The following TRPC5 variants were observed in gnomAD, a reference collection of about 807,000 sequenced individuals.
TRPC5 encodes the protein transient receptor potential cation channel subfamily C member 5.
Under a neutral mutation model 56.5 loss-of-function variants are expected in TRPC5, and 9 were observed. That is an observed-to-expected ratio of 0.16 (90% CI 0.10 to 0.28). TRPC5 has a LOEUF of 0.28. TRPC5 is among the 10% of genes least tolerant of loss of function. The probability of loss-of-function intolerance (pLI) is 1.00; values close to 1 mark genes in which losing one functional copy is unlikely to be tolerated. For synonymous variants in TRPC5, 282 were observed against 278.5 expected, an observed-to-expected ratio of 1.01 and a Z score of -0.13; for missense variants, 469 against 748.9, an observed-to-expected ratio of 0.63 and a Z score of 4.36.
intron 1 of TRPC5, among the ~76,000 whole-genome samples, chrX:112,054,847 T>A (rs1165883550): frequency 9.0e-6 from 1 of 111,219 alleles, no homozygotes; most frequent in Non-Finnish European, 1.9e-5. Context: ...CACTGAGAAG[T>A]CCTCCCTGGT....
chrX:112,015,194 C>G (rs1323605547), intron 1 of TRPC5, among the ~76,000 whole-genome samples: 2 of 110,997 alleles, frequency 1.8e-5, no homozygotes, highest in Non-Finnish European at 3.8e-5. Context: ...TGCCTGCCAC[C>G]ACACCTGGCT....
intron 1 of TRPC5, among the ~76,000 whole-genome samples, chrX:112,036,585 G>A (rs1929747068): frequency 8.9e-6 from 1 of 112,256 alleles, no homozygotes; most frequent in Admixed American, 9.4e-5. Flanking sequence ...TAATGTGTAG[G>A]AAGTTGCCTT....
chrX:111,926,027 C>T lies in TRPC5; in HGVS notation c.379-13215G>A, dbSNP rs767680460. ...CTCCCTTCTACCCCAGAATTGATAGCCAAAAATATCTCTGGACATTGCCAA... is the reference window on the plus strand; with the variant it reads ...CTCCCTTCTACCCCAGAATTGATAGTCAAAAATATCTCTGGACATTGCCAA... On this transcript the variant is annotated intron_variant, in intron 2 of 10. Transcript: ENST00000262839. 2.9e-3 allele frequency among the ~76,000 whole-genome samples: 326 copies of T among 112,131 alleles called. 1 individual carries two copies. The highest frequency in any genetic ancestry group is 4.6e-3 in the Non-Finnish European group (244 of 53,197).
At chrX:111,915,049 T>C (rs1012157410) in intron 2 of TRPC5, among the ~76,000 whole-genome samples, 2 of 92,758 alleles carry the variant, frequency 2.2e-5, no homozygotes, top group Non-Finnish European at 4.0e-5. Flanking sequence ...TATTCCTCTT[T>C]CCTCGCTCTC....
At chrX:112,002,621 G>T in intron 1 of TRPC5, among the ~76,000 whole-genome samples, 2 of 112,003 alleles carry the variant, frequency 1.8e-5, no homozygotes, top group Middle Eastern at 4.6e-3. Context: ...GAATTCACTA[G>T]AGAGTTGAGG....
At position 111,807,956 on chromosome X, in the gene TRPC5, CTGTG is replaced by C. The variant is rs60688414; in HGVS notation, c.1897-25822_1897-25819del. 6.7e-3 allele frequency among the ~76,000 whole-genome samples: 620 copies of C among 91,879 alleles called. 1 individual carries two copies. Among genetic ancestry groups the C allele is most frequent in the East Asian group, 0.01 (32 of 3,096 alleles). The allele number at this position is 91,879 out of a possible 115,157, so 79.8% of individuals were successfully genotyped here. On this transcript the variant is annotated intron_variant, in intron 7 of 10. Transcript: ENST00000262839. ...AAATGGAGTCTCTCTCTCTCTCTCTCTGTGTGTGTGTGTGTGTGTGTGTGTGTGT... is the reference window on the plus strand; with the variant it reads ...AAATGGAGTCTCTCTCTCTCTCTCTCTGTGTGTGTGTGTGTGTGTGTGTGT...
At chrX:111,905,674 G>C (rs1480965777) in intron 3 of TRPC5, among the ~76,000 whole-genome samples, 2 of 111,132 alleles carry the variant, frequency 1.8e-5, no homozygotes, top group African/African-American at 6.6e-5. Flanking sequence ...CAGCACTTTG[G>C]GAGGCCAAGG....
chrX:112,026,788 C>T (rs1173464884), intron 1 of TRPC5, among the ~76,000 whole-genome samples: 2 of 110,174 alleles, frequency 1.8e-5, no homozygotes, highest in Non-Finnish European at 3.8e-5. Context: ...TTGAAAGCTT[C>T]TTAATGGCGG....
At chrX:112,026,826 A>T (rs1569529776) in intron 1 of TRPC5, among the ~76,000 whole-genome samples, 1 of 109,365 alleles carries the variant, frequency 9.1e-6, no homozygotes, top group African/African-American at 3.3e-5. Context: ...GAATTTCTAG[A>T]TTATATATTG....
At chrX:111,906,526 T>C (rs1925633123) in intron 3 of TRPC5, among the ~76,000 whole-genome samples, 1 of 111,459 alleles carries the variant, frequency 9.0e-6, no homozygotes, top group South Asian at 3.8e-4. Context: ...ACTTCGAAGT[T>C]TTTAATGTAG....
At chrX:111,987,667 C>A (rs1928247676) in intron 1 of TRPC5, among the ~76,000 whole-genome samples, 1 of 112,068 alleles carries the variant, frequency 8.9e-6, no homozygotes, top group South Asian at 3.7e-4. Context: ...TTGACAGGAT[C>A]TCCCTTTTTA....
At chrX:112,055,614 T>C (rs1331452869) in intron 1 of TRPC5, among the ~76,000 whole-genome samples, 1 of 109,410 alleles carries the variant, frequency 9.1e-6, no homozygotes, top group Non-Finnish European at 1.9e-5. Flanking sequence ...ATATATTTAT[T>C]ATATATTATT....
chrX:111,846,176 G>C (rs1263016316), intron 6 of TRPC5, among the ~76,000 whole-genome samples: 4 of 111,453 alleles, frequency 3.6e-5, no homozygotes, highest in African/African-American at 1.3e-4. Flanking sequence ...GGTTTATGGC[G>C]TTATAAGGAA....
rs766714776 is a variant in TRPC5, at chrX:111,965,061, T to A, written c.-21-12620A>T. The stretch of plus-strand genomic sequence containing the variant: ...GATAAAGAGTCAAGACCCATCAGCG[T>A]GCTGTATTCAGGAAACCCATCTCAC... On this transcript the variant is annotated intron_variant, in intron 1 of 10. Transcript: ENST00000262839. 9.0e-3 allele frequency among the ~76,000 whole-genome samples: 1,006 copies of A among 111,567 alleles called. 2 individuals carry two copies. The highest frequency in any genetic ancestry group is 0.014 in the Non-Finnish European group (735 of 53,132).
chrX:111,975,339 C>T (rs1403617137), intron 1 of TRPC5, among the ~76,000 whole-genome samples: 12 of 104,620 alleles, frequency 1.1e-4, no homozygotes, highest in African/African-American at 3.6e-4. Context: ...AAAAAAAAAA[C>T]AGCAGCAACA....
chrX:111,856,410 TGTACCTTAATCCC>T (rs2148587466), intron 3 of TRPC5, among the ~76,000 whole-genome samples: 1 of 108,400 alleles, frequency 9.2e-6, no homozygotes, highest in East Asian at 2.9e-4. Flanking sequence ...CGTGTTGGCG[TGTACCTTAATCCC>T]AGCTACTTGG....
chrX:111,900,233 C>A (rs1925274349), intron 3 of TRPC5, among the ~76,000 whole-genome samples: 1 of 111,577 alleles, frequency 9.0e-6, no homozygotes, highest in Admixed American at 9.5e-5. Flanking sequence ...GAAAACTGGG[C>A]AATAATAGAC....
At chrX:111,802,380 C>A (rs1199854800) in intron 7 of TRPC5, among the ~76,000 whole-genome samples, 2 of 110,891 alleles carry the variant, frequency 1.8e-5, no homozygotes, top group African/African-American at 6.6e-5. Flanking sequence ...ATTTTAGGAG[C>A]AGCTTGTCAA....
chrX:111,883,955 G>A (rs746862849), intron 3 of TRPC5, among the ~76,000 whole-genome samples: 1 of 112,931 alleles, frequency 8.9e-6, no homozygotes, highest in South Asian at 3.6e-4. Flanking sequence ...GCCTAGTTAA[G>A]TGTGAGTCAA....
Sources: allele counts gnomAD v4.1 joint callset (sites outside exome capture counted in the v4.1 genomes callset), GRCh38; gene constraint gnomAD v4.1.1; transcripts MANE v1.5; gene names NCBI Gene and HGNC (gene_info 2026-07-23, HGNC 2026-07-21).